Variants in PARVA observed in about 807,000 individuals in gnomAD.
The protein encoded by PARVA is parvin alpha, also known as alpha-parvin.
A neutral mutation model predicts 52.6 loss-of-function variants in PARVA; 25 were observed. That is an observed-to-expected ratio of 0.48 (90% CI 0.35 to 0.66). The LOEUF (loss-of-function observed/expected upper bound fraction) is 0.66. Ranked by LOEUF, PARVA falls within the 30% of genes least tolerant of loss-of-function variation. The probability of loss-of-function intolerance (pLI) is 0.01; values close to 1 mark genes in which losing one functional copy is unlikely to be tolerated. For missense variants in PARVA, 373 were observed against 450.9 expected, an observed-to-expected ratio of 0.83 and a Z score of 1.56; for synonymous variants, 185 against 179.1, an observed-to-expected ratio of 1.03 and a Z score of -0.26.
intron 1 of PARVA, among the ~76,000 whole-genome samples, chr11:12,471,188 G>C (rs181027354): frequency 2.6e-5 from 4 of 152,224 alleles, no homozygotes; most frequent in Admixed American, 2.6e-4. Context: ...TGGGTATGAG[G>C]GTGTTGAGAA....
At chr11:12,384,981 C>T (rs1939550921) in intron 1 of PARVA, among the ~76,000 whole-genome samples, 1 of 152,130 alleles carries the variant, frequency 6.6e-6, no homozygotes, top group Admixed American at 6.5e-5. Flanking sequence ...AAAACACCAT[C>T]ACTCAGATGG....
intron 10 of PARVA, among the ~76,000 whole-genome samples, chr11:12,514,810 G>T (rs1402621955): frequency 6.6e-6 from 1 of 152,208 alleles, no homozygotes; most frequent in East Asian, 1.9e-4. Flanking sequence ...TACTAAAATG[G>T]CAACATCATG....
intron 4 of PARVA, among the ~76,000 whole-genome samples, chr11:12,483,176 G>T (rs1420328110): frequency 1.3e-5 from 2 of 152,216 alleles, no homozygotes; most frequent in African/African-American, 4.8e-5. Context: ...TATCAGAACA[G>T]CCTCTCCCTA....
chr11:12,448,288 G>A (rs1940574811), intron 1 of PARVA, among the ~76,000 whole-genome samples: 1 of 152,186 alleles, frequency 6.6e-6, no homozygotes, highest in African/African-American at 2.4e-5. Context: ...CGCTAATGGG[G>A]AAGATGCAGC....
intron 1 of PARVA, among the ~76,000 whole-genome samples, chr11:12,440,843 G>C (rs553225898): frequency 6.6e-6 from 1 of 152,180 alleles, no homozygotes; most frequent in Admixed American, 6.5e-5. Context: ...AAGTCTCTCC[G>C]ACTTCCTCTT....
At position 12,530,030 on chromosome 11, in the gene PARVA, G is replaced by T. The variant is rs537045029; in HGVS notation, c.*2105G>T. On this transcript the variant is annotated 3_prime_UTR_variant, in exon 13 of 13. Coordinates refer to ENST00000334956, the MANE Select transcript of PARVA (RefSeq NM_018222.5). ...GAATGCATTCATTTAAACATGCTTT[G>T]CTTTATGAATTTTGTCTCTTTTTTG... 2.6e-5 allele frequency: 4 copies of T among 152,236 alleles called. No individual in the cohort carries two copies. In the South Asian group the frequency reaches 8.3e-4, roughly 32 times the overall value. 9.4% of individuals were successfully genotyped at this position (152,236 alleles called of 1,614,324 possible).
chr11:12,513,998 C>G lies in PARVA; in HGVS notation c.800C>G (p.Thr267Arg), dbSNP rs755802130. 14 of 1,613,752 alleles carry G rather than the reference C, an allele frequency of 8.7e-6. No individual in the cohort carries two copies. The highest frequency in any genetic ancestry group is 1.1e-5 in the Non-Finnish European group (13 of 1,179,652). ...APDKLNVVKK[T>R]LITFVNKHLN... ...GGGCCTGCTTTGCTTCTCTTTTAGA[C>G]ACTCATCACTTTCGTGAACAAGCAC... is the stretch of plus-strand genomic sequence containing the variant. The change falls in exon 10 of 13, where the codon ACA becomes AGA. Residue 267 changes from threonine to arginine, a missense_variant and splice_region_variant. Thr to Arg is a moderately conservative substitution (Grantham distance 71, BLOSUM62 -1). Coordinates refer to ENST00000334956, the MANE Select transcript of PARVA (RefSeq NM_018222.5).
intron 1 of PARVA, among the ~76,000 whole-genome samples, chr11:12,423,054 A>G (rs1352053997): frequency 1.3e-5 from 2 of 151,958 alleles, no homozygotes; most frequent in African/African-American, 4.8e-5. Flanking sequence ...GGCTTTCACC[A>G]TGTTGGCCAG....
intron 4 of PARVA, among the ~76,000 whole-genome samples, chr11:12,489,742 T>C (rs187875518): frequency 6.6e-6 from 1 of 151,924 alleles, no homozygotes; most frequent in East Asian, 1.9e-4. Context: ...GAGGAAAAAA[T>C]CAATTATTTA....
chr11:12,505,966 A>T (rs1941427257), intron 6 of PARVA, among the ~76,000 whole-genome samples: 1 of 152,256 alleles, frequency 6.6e-6, no homozygotes, highest in African/African-American at 2.4e-5. Context: ...ACCAAGAGTG[A>T]ACCCTAATGT....
intron 1 of PARVA, among the ~76,000 whole-genome samples, chr11:12,463,954 C>A (rs1279291810): frequency 2.0e-5 from 3 of 147,446 alleles, no homozygotes; most frequent in Non-Finnish European, 3.0e-5. Flanking sequence ...CAATCAGCTC[C>A]TGTGAGCCTC....
chr11:12,504,331 C>T lies in PARVA; in HGVS notation c.559C>T (p.Leu187=). The part of the protein sequence containing the change: ...WNVDSVHAKS[L]VAILHLLVAL... ...CATTTCAGCTGTTCATGCCAAGAGC[C>T]TGGTGGCCATCTTACACCTGCTCGT... The change falls in exon 6 of 13, where the codon CTG becomes TTG. Residue 187 remains leucine (L), a synonymous_variant. Coordinates refer to ENST00000334956, the MANE Select transcript of PARVA (RefSeq NM_018222.5). 1 of 1,610,134 alleles carries T rather than the reference C, an allele frequency of 6.2e-7. No individual in the cohort carries two copies. Among genetic ancestry groups the T allele is most frequent in the Non-Finnish European group, 8.5e-7 (1 of 1,176,458 alleles).
At chr11:12,507,296 C>T (rs1335209559) in intron 6 of PARVA, among the ~76,000 whole-genome samples, 1 of 152,172 alleles carries the variant, frequency 6.6e-6, no homozygotes, top group Non-Finnish European at 1.5e-5. Context: ...GATGCATTTG[C>T]TTGGTCAATC....
intron 4 of PARVA, among the ~76,000 whole-genome samples, chr11:12,492,663 A>C (rs1455601647): frequency 2.0e-5 from 3 of 152,216 alleles, no homozygotes; most frequent in Non-Finnish European, 2.9e-5. Context: ...AATATGTCAC[A>C]TAAGCCTGCA....
intron 10 of PARVA, among the ~76,000 whole-genome samples, chr11:12,516,468 T>C (rs1396960682): frequency 6.6e-6 from 1 of 151,796 alleles, no homozygotes; most frequent in Non-Finnish European, 1.5e-5. Context: ...GAGCCCTCAG[T>C]GTATGCTCAC....
At chr11:12,466,600 G>A (rs557635793) in intron 1 of PARVA, among the ~76,000 whole-genome samples, 10 of 152,092 alleles carry the variant, frequency 6.6e-5, no homozygotes, top group South Asian at 2.1e-4. Context: ...CACCACGCCC[G>A]GCCTGTAGAG....
chr11:12,395,872 C>G (rs1055197565), intron 1 of PARVA, among the ~76,000 whole-genome samples: 1 of 152,166 alleles, frequency 6.6e-6, no homozygotes, highest in Non-Finnish European at 1.5e-5. Context: ...CAATTAAAAC[C>G]CTGCTTTCCT....
Position 12,462,691 on chromosome 11 carries a change from T to C in PARVA, c.137-11054T>C, listed in dbSNP as rs148332232. On this transcript the variant is annotated intron_variant, in intron 1 of 12. Transcript: ENST00000334956. ...GTATAAAGACCTCCGTAGGTGACCA[T>C]GGATAGATGCAATTCCAGAGAAAAG... Among the ~76,000 whole-genome samples the C allele has an allele frequency of 2.0e-3, 306 of 152,336 alleles. 1 individual carries two copies. The highest frequency in any genetic ancestry group is 7.0e-3 in the African/African-American group (291 of 41,568).
At chr11:12,407,934 T>C (rs1939937479) in intron 1 of PARVA, among the ~76,000 whole-genome samples, 1 of 152,254 alleles carries the variant, frequency 6.6e-6, no homozygotes, top group Admixed American at 6.5e-5. Flanking sequence ...TCTCTGTTGT[T>C]CAGGAACCTG....
Sources: allele counts gnomAD v4.1 joint callset (sites outside exome capture counted in the v4.1 genomes callset), GRCh38; gene constraint gnomAD v4.1.1; transcripts MANE v1.5; gene names NCBI Gene and HGNC (gene_info 2026-07-23, HGNC 2026-07-21).